Variants in LTB observed in about 807,000 individuals in gnomAD.
LTB encodes lymphotoxin beta, also known as lymphotoxin-beta.
A neutral mutation model predicts 14.7 loss-of-function variants in LTB; 17 were observed. The ratio of observed to expected loss-of-function variants is 1.16; its 90% confidence interval spans 0.79 to 1.73. LTB has a LOEUF of 1.73. Ranked by LOEUF, LTB falls within the 40% of genes most tolerant of loss-of-function variation. The pLI, the probability that LTB is intolerant of heterozygous loss-of-function variation, is 0.00. For synonymous variants in LTB, 163 were observed against 157.3 expected (o/e 1.04, Z -0.27); for missense variants, 288 against 324.3 (o/e 0.89, Z 0.86).
rs777247583 is a variant in LTB, at chr6:31,581,621, T to C, written c.218A>G (p.Lys73Arg). The C allele has an allele frequency of 3.1e-6, 5 of 1,612,858 alleles. No individual in the cohort carries two copies. The highest frequency in any genetic ancestry group is 1.7e-4 in the Middle Eastern group (1 of 6,060). Residue 73 changes from lysine to arginine, a missense_variant, in exon 3 of 4, where the codon AAG (lysine) becomes AGG (arginine). Coordinates refer to ENST00000429299, the MANE Select transcript of LTB (RefSeq NM_002341.2). ...AQAQQGLGFQ[K>R]LPEEEPETDL... The stretch of plus-strand genomic sequence containing the variant: ...TGTTTCTGGCTCCTCCTCTGGCAGC[T>C]TCTGAAACCCTGGAAGGGGCAAAGA...
chr6:31,581,263 G>A, intron 3 of LTB, 100 bp from the exon 4 acceptor site: 1 of 1,118,278 alleles, frequency 8.9e-7, no homozygotes, highest in South Asian at 1.5e-5. Context: ...AGCCGAGCCG[G>A]GCCGGGGGAG....
At position 31,582,265 on chromosome 6, in the gene LTB, C is replaced by T; in HGVS notation, c.153G>A (p.Gln51=). ...TGTTGCAGCCACTCACCAGTCCTCCCTGATCCTGGGGCACTAAGGCCAGCA... is the reference window on the plus strand; with the variant it reads ...TGTTGCAGCCACTCACCAGTCCTCCTTGATCCTGGGGCACTAAGGCCAGCA... ...LAVLALVPQD[Q]GGLVTETADP... Residue 51 remains glutamine, a synonymous_variant, in exon 1 of 4, where the codon CAG becomes CAA. Coordinates refer to ENST00000429299, the MANE Select transcript of LTB (RefSeq NM_002341.2). 1 of 1,613,010 alleles carries T rather than the reference C, an allele frequency of 6.2e-7. No homozygotes were observed.
chr6:31,582,419 G>A lies in LTB; in HGVS notation c.-2C>T. On this transcript the variant is annotated 5_prime_UTR_variant, in exon 1 of 4. Coordinates refer to ENST00000429299, the MANE Select transcript of LTB (RefSeq NM_002341.2). ...GCCCTCCAGCCCCAGTGCCCCCATT[G>A]AGACTGAACCAGAGCCAGAGCAGGG... 1 of 1,610,702 alleles carries A rather than the reference G, an allele frequency of 6.2e-7. No homozygotes were observed. Among genetic ancestry groups the A allele is most frequent in the South Asian group, 1.1e-5 (1 of 90,994 alleles).
At chr6:31,581,233 C>A (rs973151334) in intron 3 of LTB, 70 bp from the exon 4 acceptor site, 1 of 1,414,378 alleles carries the variant, frequency 7.1e-7, no homozygotes, top group Non-Finnish European at 9.5e-7. Flanking sequence ...GGGGAAGTGG[C>A]GGCTTTTAGC....
chr6:31,582,346 T>A lies in LTB; in HGVS notation c.72A>T (p.Ala24=). 1.2e-6 allele frequency: 2 copies of A among 1,612,982 alleles called. No individual in the cohort carries two copies. Among genetic ancestry groups the A allele is most frequent in the Non-Finnish European group, 1.7e-6 (2 of 1,179,962 alleles). The change falls in exon 1 of 4, where the codon GCA becomes GCT. Residue 24 remains alanine (A), a synonymous_variant. Transcript: ENST00000429299. The stretch of plus-strand genomic sequence containing the variant: ...ACAAGGTCACCAGAGAAGTGGCTCC[T>A]GCCACAGCTAGCAGGAGGGAACCCC... ...QGRGSLLLAV[A]GATSLVTLLL...
At chr6:31,582,107 G>C (rs576862768) in intron 1 of LTB, 149 bp downstream of exon 1, 2 of 958,090 alleles carry the variant, frequency 2.1e-6, no homozygotes, top group Admixed American at 2.2e-5. Context: ...CAGGAACATG[G>C]AAAGAGAGTC....
intron 1 of LTB, 77 bp from the exon 2 acceptor site, chr6:31,581,936 G>A (rs576331800): frequency 2.1e-6 from 3 of 1,433,874 alleles, no homozygotes; most frequent in Admixed American, 2.2e-5. Flanking sequence ...GTGGACCCAA[G>A]CTGCAGGCCT....
In LTB at chr6:31,582,265, C is replaced by G. The variant is rs530682179; in HGVS notation, c.153G>C (p.Gln51His). 1 of 1,613,010 alleles carries G rather than the reference C, an allele frequency of 6.2e-7. No homozygotes were observed. The highest frequency in any genetic ancestry group is 1.3e-5 in the African/African-American group (1 of 75,024). ...LAVLALVPQD[Q>H]GGLVTETADP... ...TGTTGCAGCCACTCACCAGTCCTCC[C>G]TGATCCTGGGGCACTAAGGCCAGCA... Residue 51 changes from glutamine (Q) to histidine (H), a missense_variant, in exon 1 of 4, where the codon CAG becomes CAC. Transcript: ENST00000429299.
At position 31,581,661 on chromosome 6, in the gene LTB, G is replaced by A. The variant is rs560484795; in HGVS notation, c.209-31C>T. The A allele has an allele frequency of 1.2e-5, 19 of 1,607,556 alleles. 1 individual carries two copies. The South Asian group carries it at 2.1e-4, about 18-fold the overall frequency. ...AGGGGCAAAGAGTCCACGATTGGGGGCAGGGCAGCCACCCATGCAGGCTAC... is the reference window on the plus strand; with the variant it reads ...AGGGGCAAAGAGTCCACGATTGGGGACAGGGCAGCCACCCATGCAGGCTAC... On this transcript the variant is annotated intron_variant, in intron 2 of 3. Transcript: ENST00000429299.
rs1196057354 is a variant in LTB at position 31,580,940 on chromosome 6, G to A, written c.504C>T (p.Gly168=). Residue 168 remains glycine (G), a synonymous_variant, in exon 4 of 4, where the codon GGC becomes GGT. Coordinates refer to ENST00000429299, the MANE Select transcript of LTB (RefSeq NM_002341.2). This position sits in a 1 kb window ranked among gnomAD's most constrained non-coding sequence, Gnocchi z 6.6. ...TLRSSLYRAG[G]AYGPGTPELL... is the part of the protein sequence containing the mutation. ...GCTCGGGAGTGCCCGGCCCGTAGGC[G>A]CCCCCCGCCCGGTACAGAGAGCTGC... 17 of 1,575,170 alleles carry A rather than the reference G, an allele frequency of 1.1e-5. No individual in the cohort carries two copies. Among genetic ancestry groups the A allele is most frequent in the Non-Finnish European group, 1.4e-5 (16 of 1,161,718 alleles).
At chr6:31,581,429 A>T in intron 3 of LTB, 130 bp downstream of exon 3, 1 of 927,196 alleles carries the variant, frequency 1.1e-6, no homozygotes, top group African/African-American at 1.6e-5. Context: ...AAGAGTGGGC[A>T]CGAGCGACAA....
rs528561107 is a variant in LTB, at chr6:31,582,405, C to G, written c.13G>C (p.Gly5Arg). 2 of 1,612,380 alleles carry G rather than the reference C, an allele frequency of 1.2e-6. No individual in the cohort carries two copies. The highest frequency in any genetic ancestry group is 1.7e-6 in the Non-Finnish European group (2 of 1,179,856). The change falls in exon 1 of 4, where the codon GGG becomes CGG. Residue 5 changes from glycine to arginine, a missense_variant. Physicochemically the swap from Gly to Arg is moderately radical, Grantham distance 125. Around this residue, in one of 2 missense-constraint regions of LTB, gnomAD observed 284 missense variants for 299.2 expected, o/e 0.95. Transcript: ENST00000429299. ...AGCCTCCCACCCCTGCCCTCCAGCC[C>G]CAGTGCCCCCATTGAGACTGAACCA... is the stretch of plus-strand genomic sequence containing the variant. MGAL[G>R]LEGRGGRLQG...
intron 3 of LTB, 59 bp from the exon 4 acceptor site, chr6:31,581,222 T>C: frequency 6.9e-7 from 1 of 1,456,054 alleles, no homozygotes; most frequent in Non-Finnish European, 9.2e-7. Context: ...TTGGGACTTC[T>C]GGGGAAGTGG....
Position 31,582,369 on chromosome 6 carries a change from C to T in LTB, c.49G>A (p.Gly17Ser). Residue 17 changes from glycine (G) to serine (S), a missense_variant, in exon 1 of 4, where the codon GGT (glycine) becomes AGT (serine). By Grantham distance (56) the Gly-to-Ser change is moderately conservative (BLOSUM62 0). Coordinates refer to ENST00000429299, the MANE Select transcript of LTB (RefSeq NM_002341.2). ...CCTGCCACAGCTAGCAGGAGGGAACCCCTCCCCTGGAGCCTCCCACCCCTG... is the reference window on the plus strand; with the variant it reads ...CCTGCCACAGCTAGCAGGAGGGAACTCCTCCCCTGGAGCCTCCCACCCCTG... ...EGRGGRLQGR[G>S]SLLLAVAGAT... is the part of the protein sequence containing the mutation. 1 of 1,612,934 alleles carries T rather than the reference C, an allele frequency of 6.2e-7. No individual in the cohort carries two copies. The highest frequency in any genetic ancestry group is 8.5e-7 in the Non-Finnish European group (1 of 1,179,950).
In LTB at chr6:31,580,814, C is replaced by T; in HGVS notation, c.630G>A (p.Leu210=). ...CCCTCTCGCCCCTCCGGAGCTGCACCAGGCCGCCGAACCCCACGCTCGTGT... is the reference window on the plus strand; with the variant it reads ...CCCTCTCGCCCCTCCGGAGCTGCACTAGGCCGCCGAACCCCACGCTCGTGT... The part of the protein sequence containing the change: ...LWYTSVGFGG[L]VQLRRGERVY... Residue 210 remains leucine, a synonymous_variant, in exon 4 of 4, where the codon CTG becomes CTA. Coordinates refer to ENST00000429299, the MANE Select transcript of LTB (RefSeq NM_002341.2). The surrounding 1 kb of genome is among the most constrained non-coding windows in gnomAD (Gnocchi z 6.6). 2 of 1,612,928 alleles carry T rather than the reference C, an allele frequency of 1.2e-6. No individual in the cohort carries two copies. The highest frequency in any genetic ancestry group is 1.7e-6 in the Non-Finnish European group (2 of 1,179,978).
At chr6:31,582,224 A>G (rs745496226) in intron 1 of LTB, 32 bp downstream of exon 1, 4 of 1,609,494 alleles carry the variant, frequency 2.5e-6, no homozygotes, top group South Asian at 1.1e-5. Flanking sequence ...GCAAGATACA[A>G]CTCTCCACCA....
At chr6:31,582,155 G>T in intron 1 of LTB, 101 bp downstream of exon 1, 2 of 1,398,344 alleles carry the variant, frequency 1.4e-6, no homozygotes, top group Non-Finnish European at 2.0e-6. Flanking sequence ...GGACAGCCGA[G>T]CCAGCTGAGC....
intron 1 of LTB, 36 bp downstream of exon 1, chr6:31,582,220 T>TA: frequency 3.7e-6 from 6 of 1,609,484 alleles, no homozygotes; most frequent in Non-Finnish European, 5.1e-6. Context: ...ATCCGCAAGA[T>TA]ACAACTCTCC....
chr6:31,581,681 G>C (rs753714925), intron 2 of LTB, 51 bp from the exon 3 acceptor site: 1 of 1,601,752 alleles, frequency 6.2e-7, no homozygotes, highest in African/African-American at 1.3e-5. Context: ...CACCCATGCA[G>C]GCTACCCTTG....
Sources: gnomAD v4.1 joint callset for allele counts on GRCh38, gnomAD v4.1.1 for gene constraint, gnomAD v4.1.1 regional missense constraint, Gnocchi (gnomAD v3.1) non-coding constraint, MANE v1.5 for transcripts, NCBI Gene and HGNC (gene_info 2026-07-23, HGNC 2026-07-21) for gene names.